The following GRIK2 variants were observed in gnomAD, a reference collection of about 807,000 sequenced individuals.
GRIK2 encodes the protein glutamate receptor ionotropic, kainate 2.
Under a neutral mutation model 100.3 loss-of-function variants are expected in GRIK2, and 32 were observed. The observed-to-expected ratio is 0.32, with a 90% CI of 0.24 to 0.43. GRIK2 has a LOEUF of 0.43. GRIK2 is among the 20% of genes least tolerant of loss of function. The pLI, the probability that GRIK2 is intolerant of heterozygous loss-of-function variation, is 1.00. For synonymous variants in GRIK2, 417 were observed against 389.4 expected, an observed-to-expected ratio of 1.07 and a Z score of -0.83; for missense variants, 843 against 1,114.9, an observed-to-expected ratio of 0.76 and a Z score of 3.47.
chr6:101,579,471 CT>C (rs1348941897), intron 2 of GRIK2, among the ~76,000 whole-genome samples: 20 of 150,192 alleles, frequency 1.3e-4, no homozygotes, highest in Non-Finnish European at 2.8e-4. Context: ...CGCTTTCTCT[CT>C]TTTTTCTTTT....
chr6:101,584,656 T>G (rs561044), intron 2 of GRIK2, among the ~76,000 whole-genome samples: 55,067 of 151,792 alleles, frequency 0.36, 11,156 homozygotes, highest in African/African-American at 0.56. Context: ...GTACAATTGT[T>G]TCAATTTGTA....
intron 7 of GRIK2, among the ~76,000 whole-genome samples, chr6:101,716,606 G>T (rs148111897): frequency 1.9e-5 from 2 of 105,284 alleles, no homozygotes; most frequent in East Asian, 3.5e-4. Flanking sequence ...GTCCTGGGGT[G>T]GGGGGAGGGG....
chr6:101,430,921 G>A (rs1769346595), intron 2 of GRIK2: 1 of 336,368 alleles, frequency 3.0e-6, no homozygotes, highest in Non-Finnish European at 6.1e-6. Context: ...ATCTTCATGA[G>A]GTCCAGGTGC....
chr6:101,398,419 G>T (rs1382627789), intron 1 of GRIK2, among the ~76,000 whole-genome samples: 1 of 152,182 alleles, frequency 6.6e-6, no homozygotes, highest in Admixed American at 6.5e-5. Context: ...AGTTTTTAAA[G>T]AGTGGGTTTA....
intron 11 of GRIK2, among the ~76,000 whole-genome samples, chr6:101,880,838 A>T (rs1786193668): frequency 6.6e-6 from 1 of 152,052 alleles, no homozygotes; most frequent in Admixed American, 6.6e-5. Context: ...ATTACTTTAT[A>T]TTTGATATCA....
intron 16 of GRIK2, chr6:102,064,065 CTTTCTTT>C: frequency 9.0e-7 from 1 of 1,111,932 alleles, no homozygotes; most frequent in South Asian, 1.3e-5. Context: ...ATCCTTGTGC[CTTTCTTT>C]TTTCTTTTTG....
At chr6:101,909,313 G>A (rs1318611301) in intron 12 of GRIK2, among the ~76,000 whole-genome samples, 1 of 147,072 alleles carries the variant, frequency 6.8e-6, no homozygotes, top group African/African-American at 2.5e-5. Flanking sequence ...TAATTTAAAT[G>A]CCTGCAATGA....
intron 14 of GRIK2, among the ~76,000 whole-genome samples, chr6:101,962,529 A>G (rs968991532): frequency 2.6e-5 from 4 of 152,094 alleles, no homozygotes; most frequent in Non-Finnish European, 5.9e-5. Flanking sequence ...GTGTTCCATA[A>G]AGACTTCTTA....
intron 2 of GRIK2, among the ~76,000 whole-genome samples, chr6:101,609,892 A>G (rs1765127): frequency 0.37 from 55,939 of 151,302 alleles, 11,068 homozygotes; most frequent in African/African-American, 0.52. Context: ...ATAGATATTT[A>G]TAGAGAAGTA....
chr6:101,762,534 ATTTC>A (rs899244210), intron 7 of GRIK2, among the ~76,000 whole-genome samples: 2 of 151,756 alleles, frequency 1.3e-5, no homozygotes, highest in Non-Finnish European at 2.9e-5. Flanking sequence ...TCCAGCCCCA[ATTTC>A]TTTCTTTCTT....
At chr6:101,783,759 T>C (rs1779251768) in intron 7 of GRIK2, among the ~76,000 whole-genome samples, 1 of 152,166 alleles carries the variant, frequency 6.6e-6, no homozygotes, top group African/African-American at 2.4e-5. Context: ...AACTGGAGTA[T>C]AGGTCTGTCT....
chr6:101,914,899 T>C (rs1788999377), intron 12 of GRIK2, among the ~76,000 whole-genome samples: 1 of 151,576 alleles, frequency 6.6e-6, no homozygotes, highest in Admixed American at 6.6e-5. Context: ...ATTACTTTCA[T>C]TCCTTTCTTA....
At chr6:101,855,440 G>A (rs1436847806) in intron 10 of GRIK2, among the ~76,000 whole-genome samples, 2 of 152,086 alleles carry the variant, frequency 1.3e-5, no homozygotes, top group Non-Finnish European at 2.9e-5. Flanking sequence ...ATATATATGC[G>A]GTTTCTTTGA....
intron 7 of GRIK2, among the ~76,000 whole-genome samples, chr6:101,719,153 T>TTTG (rs1774285632): frequency 5.2e-5 from 1 of 19,132 alleles, no homozygotes; most frequent in African/African-American, 8.0e-5. Context: ...TTTTTTTTTT[T>TTTG]TTTTTTTTTT....
At chr6:101,955,809 A>G (rs2128480687) in intron 14 of GRIK2, among the ~76,000 whole-genome samples, 1 of 151,972 alleles carries the variant, frequency 6.6e-6, no homozygotes, top group East Asian at 1.9e-4. Context: ...ATTCTTGCTA[A>G]AAGTTTGTAA....
chr6:101,629,206 A>T (rs978829559), intron 4 of GRIK2, among the ~76,000 whole-genome samples: 1 of 152,064 alleles, frequency 6.6e-6, no homozygotes, highest in Non-Finnish European at 1.5e-5. Flanking sequence ...AAACTTTGCC[A>T]CTCCCTTGGC....
At chr6:101,404,059 A>C (rs545058600) in intron 2 of GRIK2, among the ~76,000 whole-genome samples, 4 of 152,374 alleles carry the variant, frequency 2.6e-5, no homozygotes, top group Admixed American at 6.5e-5. Context: ...TTCTCTACCC[A>C]GATACATGAA....
chr6:101,496,749 T>C (rs948116386), intron 2 of GRIK2, among the ~76,000 whole-genome samples: 1 of 152,202 alleles, frequency 6.6e-6, no homozygotes, highest in African/African-American at 2.4e-5. Context: ...GAGTTCGCTT[T>C]CAAATTTTAA....
Position 102,055,480 on chromosome 6 carries a change from G to A in GRIK2, c.2462G>A (p.Gly821Asp). 1.2e-6 allele frequency: 2 copies of A among 1,613,740 alleles called. No homozygotes were observed. The highest frequency in any genetic ancestry group is 1.7e-6 in the Non-Finnish European group (2 of 1,179,750). Residue 821 changes from glycine (G) to aspartate (D), a missense_variant, in exon 16 of 17, where the codon GGT (glycine) becomes GAT (aspartate). By Grantham distance (94) the Gly-to-Asp change is moderately conservative (BLOSUM62 -1). Transcript: ENST00000369134. ...AGTGCCCTGGGGGTTCAGAATATTG[G>A]TGGCATCTTCATTGTTCTGGCAGCC... ...EASALGVQNI[G>D]GIFIVLAAGL...
Sources: gnomAD v4.1 joint callset for allele counts (sites outside exome capture counted in the v4.1 genomes callset) on GRCh38, gnomAD v4.1.1 for gene constraint, MANE v1.5 for transcripts, NCBI Gene and HGNC (gene_info 2026-07-23, HGNC 2026-07-21) for gene names.